Variants in CCDC178 observed in about 807,000 individuals in gnomAD.
CCDC178 encodes coiled-coil domain-containing protein 178.
In CCDC178, 126 loss-of-function variants were observed where a neutral mutation model predicts 117.4. The ratio of observed to expected loss-of-function variants is 1.07; its 90% CI spans 0.93 to 1.24. The LOEUF (loss-of-function observed/expected upper bound fraction) is 1.24. Among genes scored for constraint, CCDC178 ranks in the 50% most tolerant of loss-of-function variants. CCDC178 has a pLI of 0.00. For synonymous variants in CCDC178, 283 were observed against 313.4 expected (o/e 0.90, Z 1.02); for missense variants, 1,030 against 986.9 (o/e 1.04, Z -0.59).
chr18:33,212,113 C>CA, intron 19 of CCDC178, 58 bp from the exon 20 acceptor site: 1 of 1,307,640 alleles, frequency 7.6e-7, no homozygotes, highest in Non-Finnish European at 1.0e-6. Context: ...TTTCAAAATG[C>CA]ATTTATGAGA....
At chr18:33,057,555 G>A (rs1443848272) in intron 21 of CCDC178, among the ~76,000 whole-genome samples, 1 of 152,034 alleles carries the variant, frequency 6.6e-6, no homozygotes, top group African/African-American at 2.4e-5. Context: ...GCAATGGCGC[G>A]ATCTGGGCTC....
chr18:33,065,042 AAG>A (rs1382869996), intron 21 of CCDC178, among the ~76,000 whole-genome samples: 1 of 150,918 alleles, frequency 6.6e-6, no homozygotes, highest in Non-Finnish European at 1.5e-5. Flanking sequence ...AAAAAAAAAA[AAG>A]AGTTGACATT....
intron 21 of CCDC178, among the ~76,000 whole-genome samples, chr18:33,086,325 C>A (rs2145050486): frequency 6.6e-6 from 1 of 150,896 alleles, no homozygotes; most frequent in East Asian, 1.9e-4. Context: ...AGCAGAATAT[C>A]ATGAAAGTAG....
At chr18:33,240,846 C>A in intron 15 of CCDC178, among the ~76,000 whole-genome samples, 1 of 151,790 alleles carries the variant, frequency 6.6e-6, no homozygotes, top group East Asian at 1.9e-4. Flanking sequence ...CTTCCTAGGT[C>A]ATTCTATGAG....
At chr18:33,258,500 G>A (rs930213197) in intron 14 of CCDC178, among the ~76,000 whole-genome samples, 1 of 152,078 alleles carries the variant, frequency 6.6e-6, no homozygotes, top group Non-Finnish European at 1.5e-5. Context: ...CCCTGCCCTG[G>A]CCTGTCATTC....
At chr18:33,318,483 G>A (rs1434855137) in intron 11 of CCDC178, among the ~76,000 whole-genome samples, 1 of 152,174 alleles carries the variant, frequency 6.6e-6, no homozygotes, top group Non-Finnish European at 1.5e-5. Context: ...CCAGAAGAAA[G>A]TCTTCAGAAG....
chr18:33,388,537 T>TTTTTTTTTTTTTTTTTG (rs2063524675), intron 5 of CCDC178, among the ~76,000 whole-genome samples: 1 of 115,806 alleles, frequency 8.6e-6, no homozygotes, highest in African/African-American at 3.3e-5. Context: ...TTTTTTTTTT[T>TTTTTTTTTTTTTTTTTG]GAGACGGAGT....
intron 21 of CCDC178, among the ~76,000 whole-genome samples, chr18:32,994,153 C>T (rs936307114): frequency 6.6e-6 from 1 of 151,264 alleles, no homozygotes; most frequent in Non-Finnish European, 1.5e-5. Flanking sequence ...TTCCTTTCCT[C>T]AGCATCCCCC....
At chr18:33,058,032 C>T (rs2056859893) in intron 21 of CCDC178, among the ~76,000 whole-genome samples, 1 of 152,090 alleles carries the variant, frequency 6.6e-6, no homozygotes. Flanking sequence ...GAAATTGAAA[C>T]TCACTACATT....
At chr18:32,979,459 CATTTTTATAAATCA>C (rs1398310734) in intron 21 of CCDC178, among the ~76,000 whole-genome samples, 1 of 152,074 alleles carries the variant, frequency 6.6e-6, no homozygotes, top group Non-Finnish European at 1.5e-5. Context: ...GCGCCCGGTC[CATTTTTATAAATCA>C]ATATGACCAA....
chr18:33,433,935 G>A (rs932848406), intron 2 of CCDC178, among the ~76,000 whole-genome samples: 45 of 152,186 alleles, frequency 3.0e-4, no homozygotes, highest in African/African-American at 8.9e-4. Flanking sequence ...ATTGAAATAT[G>A]TTTAAGTATA....
chr18:33,113,788 G>A (rs1470760779), intron 20 of CCDC178, among the ~76,000 whole-genome samples: 1 of 151,982 alleles, frequency 6.6e-6, no homozygotes, highest in Non-Finnish European at 1.5e-5. Context: ...ACACTACTTT[G>A]GCTATGTTAT....
At chr18:33,153,178 T>C (rs2058359692) in intron 20 of CCDC178, among the ~76,000 whole-genome samples, 1 of 148,558 alleles carries the variant, frequency 6.7e-6, no homozygotes, top group Non-Finnish European at 1.5e-5. Flanking sequence ...ATATTATATA[T>C]ATTAGCTTAA....
intron 20 of CCDC178, among the ~76,000 whole-genome samples, chr18:33,197,239 G>C (rs566754074): frequency 1.1e-4 from 16 of 151,976 alleles, no homozygotes; most frequent in African/African-American, 3.9e-4. Flanking sequence ...ATGTTGCTTC[G>C]GCTGGTCTCA....
At chr18:32,942,913 T>G (rs1665014670) in intron 22 of CCDC178, among the ~76,000 whole-genome samples, 1 of 152,182 alleles carries the variant, frequency 6.6e-6, no homozygotes, top group African/African-American at 2.4e-5. Flanking sequence ...TCTTTTTTTT[T>G]GTGCAATGTT....
Position 33,305,577 on chromosome 18 carries a change from G to C in CCDC178, c.1023-12265C>G, listed in dbSNP as rs527791319. 9.9e-5 allele frequency among the ~76,000 whole-genome samples: 15 copies of C among 152,240 alleles called. No homozygotes were observed. The East Asian group carries it at 2.9e-3, about 29-fold the overall frequency. ...CTGACACTCTAGACTGCAAGATCAA[G>C]AAATGACCTGCCAGTACGTCTTTTG... On this transcript the variant is annotated intron_variant, in intron 11 of 22. Transcript: ENST00000383096.
chr18:32,974,714 T>C, intron 21 of CCDC178, 33 bp from the exon 22 acceptor site: 2 of 1,605,520 alleles, frequency 1.2e-6, no homozygotes, highest in South Asian at 2.2e-5. Flanking sequence ...AAAACACAAG[T>C]CAGAGGAGGA....
intron 20 of CCDC178, among the ~76,000 whole-genome samples, chr18:33,124,973 G>A (rs939284981): frequency 1.3e-5 from 2 of 152,114 alleles, no homozygotes; most frequent in African/African-American, 4.8e-5. Context: ...CTTAGTTTAT[G>A]CCTCAGTGTC....
chr18:33,420,366 A>AT (rs1370824870), intron 2 of CCDC178, among the ~76,000 whole-genome samples: 1 of 151,720 alleles, frequency 6.6e-6, no homozygotes, highest in African/African-American at 2.4e-5. Flanking sequence ...TATTATTATT[A>AT]TTTTTTTTAC....
Sources: allele counts gnomAD v4.1 joint callset (sites outside exome capture counted in the v4.1 genomes callset), GRCh38; gene constraint gnomAD v4.1.1; transcripts MANE v1.5; gene names NCBI Gene and HGNC (gene_info 2026-07-23, HGNC 2026-07-21).